The following DAPK1 variants were observed in gnomAD, a reference collection of about 807,000 sequenced individuals.
The protein encoded by DAPK1 is death associated protein kinase 1.
DAPK1 carries 56 observed loss-of-function variants against 144.9 expected under a neutral mutation model. The ratio of observed to expected loss-of-function variants is 0.39; its 90% CI spans 0.31 to 0.48. DAPK1 has a LOEUF of 0.48. Ranked by LOEUF, DAPK1 falls within the 20% of genes least tolerant of loss-of-function variation. DAPK1 has a pLI of 0.95. For synonymous variants in DAPK1, 690 were observed against 749.0 expected, an observed-to-expected ratio of 0.92 and a Z score of 1.29; for missense variants, 1,454 against 1,875.4, an observed-to-expected ratio of 0.78 and a Z score of 4.15.
intron 2 of DAPK1, among the ~76,000 whole-genome samples, chr9:87,545,156 C>T (rs1424148062): frequency 6.6e-6 from 1 of 152,226 alleles, no homozygotes; most frequent in Non-Finnish European, 1.5e-5. Flanking sequence ...GTCAGACCAG[C>T]TGCCAAAGTG....
intron 2 of DAPK1, among the ~76,000 whole-genome samples, chr9:87,514,905 G>A (rs1431279061): frequency 6.6e-6 from 1 of 152,174 alleles, no homozygotes; most frequent in Non-Finnish European, 1.5e-5. Context: ...TGTCTGCAAT[G>A]GGAGTTGCTG....
intron 2 of DAPK1, among the ~76,000 whole-genome samples, chr9:87,599,044 T>TC (rs1157996018): frequency 6.6e-6 from 1 of 152,188 alleles, no homozygotes; most frequent in South Asian, 2.1e-4. Flanking sequence ...CCCTTTGCTT[T>TC]CCCCTCACAA....
intron 18 of DAPK1, among the ~76,000 whole-genome samples, chr9:87,660,608 C>G (rs1830808978): frequency 6.6e-6 from 1 of 152,034 alleles, no homozygotes; most frequent in Non-Finnish European, 1.5e-5. Flanking sequence ...ACCCATCAAA[C>G]AAACTCCCAT....
chr9:87,623,602 A>G (rs1029973527), intron 3 of DAPK1, among the ~76,000 whole-genome samples: 2 of 152,112 alleles, frequency 1.3e-5, no homozygotes, highest in African/African-American at 2.4e-5. Context: ...TTTAGGAGAC[A>G]TTGGGGACCG....
chr9:87,703,715 A>T (rs923543293), intron 25 of DAPK1, among the ~76,000 whole-genome samples: 1 of 152,218 alleles, frequency 6.6e-6, no homozygotes, highest in African/African-American at 2.4e-5. Context: ...CAGAGTAATC[A>T]TAATTAAAGA....
chr9:87,594,192 T>G (rs1587748875), intron 2 of DAPK1, among the ~76,000 whole-genome samples: 1 of 152,228 alleles, frequency 6.6e-6, no homozygotes, highest in South Asian at 2.1e-4. Context: ...TTTTGTCTGA[T>G]CCACCAAAGG....
At chr9:87,656,890 T>A (rs546182890) in intron 17 of DAPK1, among the ~76,000 whole-genome samples, 78 of 152,254 alleles carry the variant, frequency 5.1e-4, no homozygotes, top group African/African-American at 1.8e-3. Flanking sequence ...GACAAAAATG[T>A]TAAACAGGGA....
chr9:87,700,491 T>TTTTA (rs1218807672), intron 24 of DAPK1, among the ~76,000 whole-genome samples: 1 of 152,138 alleles, frequency 6.6e-6, no homozygotes, highest in Non-Finnish European at 1.5e-5. Flanking sequence ...TTTAACAATA[T>TTTTA]TTTATTTATT....
At chr9:87,627,480 C>T in intron 3 of DAPK1, among the ~76,000 whole-genome samples, 1 of 151,992 alleles carries the variant, frequency 6.6e-6, no homozygotes. Flanking sequence ...AGCCCAGCCA[C>T]CCACCCCCTT....
intron 2 of DAPK1, among the ~76,000 whole-genome samples, chr9:87,591,572 C>T (rs1828135867): frequency 6.6e-6 from 1 of 152,128 alleles, no homozygotes; most frequent in Non-Finnish European, 1.5e-5. Context: ...AAAGTGGTAT[C>T]AATTTTTCAG....
chr9:87,562,462 A>G (rs529590447), intron 2 of DAPK1, among the ~76,000 whole-genome samples: 6 of 152,312 alleles, frequency 3.9e-5, no homozygotes, highest in African/African-American at 1.4e-4. Context: ...GCCCACTTTC[A>G]TTGGCCAGAA....
intron 14 of DAPK1, chr9:87,648,451 G>A (rs536432959): frequency 8.0e-6 from 2 of 248,766 alleles, no homozygotes; most frequent in Non-Finnish European, 1.5e-5. Flanking sequence ...AAAAGAGAGT[G>A]TTGTGTTTAA....
At chr9:87,673,919 T>C (rs1408249678) in intron 19 of DAPK1, among the ~76,000 whole-genome samples, 1 of 152,172 alleles carries the variant, frequency 6.6e-6, no homozygotes. Context: ...TTGTACCTTC[T>C]ACTTCCTTGC....
intron 2 of DAPK1, among the ~76,000 whole-genome samples, chr9:87,577,815 A>G (rs1827619451): frequency 6.6e-6 from 1 of 152,112 alleles, no homozygotes; most frequent in Non-Finnish European, 1.5e-5. Flanking sequence ...TAAAAAATAA[A>G]AAAAGACTCC....
At chr9:87,589,319 A>G (rs1451091250) in intron 2 of DAPK1, among the ~76,000 whole-genome samples, 1 of 152,024 alleles carries the variant, frequency 6.6e-6, no homozygotes, top group African/African-American at 2.4e-5. Flanking sequence ...TTCCCTCACC[A>G]CCTTTCCGAT....
At chr9:87,576,750 G>T (rs959364356) in intron 2 of DAPK1, among the ~76,000 whole-genome samples, 1 of 152,150 alleles carries the variant, frequency 6.6e-6, no homozygotes, top group Non-Finnish European at 1.5e-5. Context: ...TAGAGACGGG[G>T]TTTCACCATG....
At chr9:87,676,385 C>CCT (rs1040475948) in intron 19 of DAPK1, among the ~76,000 whole-genome samples, 1 of 152,208 alleles carries the variant, frequency 6.6e-6, no homozygotes, top group Admixed American at 6.5e-5. Flanking sequence ...CAGGGAGAGG[C>CCT]CTCTGCGCCA....
chr9:87,647,178 C>A, intron 13 of DAPK1, 127 bp from the exon 14 acceptor site: 1 of 764,474 alleles, frequency 1.3e-6, no homozygotes. Flanking sequence ...GGTTTTATTC[C>A]TCTGGGAAGT....
intron 2 of DAPK1, among the ~76,000 whole-genome samples, chr9:87,582,039 C>T (rs369575656): frequency 4.6e-5 from 7 of 151,874 alleles, no homozygotes; most frequent in African/African-American, 1.7e-4. Flanking sequence ...TCAAATATAC[C>T]ACTTAAAATG....
Sources: gnomAD v4.1 joint callset for allele counts (sites outside exome capture counted in the v4.1 genomes callset) on GRCh38, gnomAD v4.1.1 for gene constraint, MANE v1.5 for transcripts, NCBI Gene and HGNC (gene_info 2026-07-23, HGNC 2026-07-21) for gene names.